The following ZNF506 variants were observed in gnomAD, a reference collection of about 807,000 sequenced individuals.
ZNF506 encodes the protein zinc finger protein 506.
A neutral mutation model predicts 11.6 loss-of-function variants in ZNF506; 10 were observed. The observed-to-expected ratio is 0.86, with a 90% CI of 0.53 to 1.46. The LOEUF (loss-of-function observed/expected upper bound fraction) is 1.46, where lower values mean the gene tolerates loss of function less well. Ranked by LOEUF, ZNF506 falls within the 40% of genes most tolerant of loss-of-function variation. ZNF506 has a pLI of 0.00. For synonymous variants in ZNF506, 156 were observed against 173.3 expected, an observed-to-expected ratio of 0.90 and a Z score of 0.78; for missense variants, 425 against 521.2, an observed-to-expected ratio of 0.82 and a Z score of 1.80.
At chr19:19,800,391 AAT>A (rs3062863) in intron 3 of ZNF506, among the ~76,000 whole-genome samples, 71,634 of 139,038 alleles carry the variant, frequency 0.52, 18,871 homozygotes, top group Middle Eastern at 0.71. Context: ...AACTAAACAG[AAT>A]ATATATATAT....
chr19:19,811,068 T>C lies in ZNF506; in HGVS notation c.4-4000A>G, dbSNP rs527935356. ...CCTAAAAGAAATGTAAATCCAGAGT[T>C]TCTGCAATTTTAATCTTTTCTAGCC... On this transcript the variant is annotated intron_variant, in intron 1 of 3. Coordinates refer to ENST00000540806, the MANE Select transcript of ZNF506 (RefSeq NM_001099269.3). Among the ~76,000 whole-genome samples the C allele has an allele frequency of 2.6e-5, 4 of 152,194 alleles. No homozygotes were observed. The South Asian group carries it at 6.2e-4, about 24-fold the overall frequency.
intron 1 of ZNF506, among the ~76,000 whole-genome samples, chr19:19,814,813 T>G (rs541596580): frequency 6.6e-6 from 1 of 152,300 alleles, no homozygotes; most frequent in African/African-American, 2.4e-5. Flanking sequence ...TCCGTGTGCA[T>G]GCAGGCAGGT....
intron 1 of ZNF506, among the ~76,000 whole-genome samples, chr19:19,818,705 G>A (rs1160874970): frequency 6.6e-6 from 1 of 152,136 alleles, no homozygotes; most frequent in East Asian, 1.9e-4. Flanking sequence ...GCAAATTACA[G>A]TTAAAACACT....
At chr19:19,806,232 T>C (rs189811658) in intron 2 of ZNF506, 106 bp from the exon 3 acceptor site, 161 of 753,174 alleles carry the variant, frequency 2.1e-4, no homozygotes, top group Non-Finnish European at 3.0e-4. Flanking sequence ...AGTAAATTAA[T>C]ACTAAAATAC....
intron 1 of ZNF506, among the ~76,000 whole-genome samples, chr19:19,812,136 C>T (rs1324183362): frequency 6.6e-6 from 1 of 152,180 alleles, no homozygotes; most frequent in East Asian, 1.9e-4. Flanking sequence ...CAACCAAAGA[C>T]ATCTCTTGTA....
At chr19:19,798,767 T>G (rs1437388715) in intron 3 of ZNF506, 2 of 150,482 alleles carry the variant, frequency 1.3e-5, no homozygotes, top group Admixed American at 1.3e-4. Context: ...AAGGAGAAAT[T>G]AAGACACAAA....
At position 19,821,466 on chromosome 19, in the gene ZNF506, G is replaced by C. The variant is rs538249511; in HGVS notation, c.3+135C>G. On this transcript the variant is annotated intron_variant, in intron 1 of 3. Transcript: ENST00000540806. The stretch of plus-strand genomic sequence containing the variant: ...TATGGCTGGGGCGGAGCTGGGCAAT[G>C]AGAACTTGGAGCGCAGATTGTGGAG... 6.4e-3 allele frequency: 7,625 copies of C among 1,197,810 alleles called. 31 individuals are homozygous for C. Among genetic ancestry groups the C allele is most frequent in the Non-Finnish European group, 7.0e-3 (5,667 of 805,600 alleles). The allele number at this position is 1,197,810 out of a possible 1,614,324, so 74.2% of individuals were successfully genotyped here.
chr19:19,811,193 T>C (rs1459509015), intron 1 of ZNF506, among the ~76,000 whole-genome samples: 1 of 152,212 alleles, frequency 6.6e-6, no homozygotes, highest in Non-Finnish European at 1.5e-5. Flanking sequence ...GCAGTCTCAC[T>C]CTGTCACCTA....
In ZNF506 at chr19:19,795,324, C is replaced by A; in HGVS notation, c.563G>T (p.Arg188Leu). The A allele has an allele frequency of 6.2e-7, 1 of 1,613,652 alleles. No individual in the cohort carries two copies. The highest frequency in any genetic ancestry group is 8.5e-7 in the Non-Finnish European group (1 of 1,179,836). Residue 188 changes from arginine (R) to leucine (L), a missense_variant, in exon 4 of 4, where the codon CGT (arginine) becomes CTT (leucine). Arg to Leu is a moderately radical substitution (Grantham distance 102). Coordinates refer to ENST00000540806, the MANE Select transcript of ZNF506 (RefSeq NM_001099269.3). Reference sequence around the variant, plus strand: ...AGCATCAATTTTCTTATATGTAGTACGGGTTGAAGACTGGTTAAAAGTTTT... The same window carrying A: ...AGCATCAATTTTCTTATATGTAGTAAGGGTTGAAGACTGGTTAAAAGTTTT... ...YGKTFNQSST[R>L]TTYKKIDAGE...
chr19:19,814,410 A>AAATAATAATAATAAT (rs59922058), intron 1 of ZNF506, among the ~76,000 whole-genome samples: 7,673 of 144,060 alleles, frequency 0.053, 336 homozygotes, highest in African/African-American at 0.12. Flanking sequence ...CTCCATCTCA[A>AAATAATAATAATAAT]AATAATAATA....
chr19:19,801,126 C>T (rs2062788923), intron 3 of ZNF506, among the ~76,000 whole-genome samples: 1 of 151,924 alleles, frequency 6.6e-6, no homozygotes, highest in African/African-American at 2.4e-5. Flanking sequence ...TGCCATTGTA[C>T]TCCAGCCTGG....
chr19:19,821,723 T>G lies in ZNF506; in HGVS notation c.-120A>C. On this transcript the variant is annotated 5_prime_UTR_variant, in exon 1 of 4. Transcript: ENST00000540806. ...GGCACAGAGCAGTGAAGACGATAGC[T>G]GGATCTCTGGCGTCAGCGAGAGACA... The G allele has an allele frequency of 7.6e-7, 1 of 1,322,972 alleles. No individual in the cohort carries two copies. The highest frequency in any genetic ancestry group is 1.2e-5 in the South Asian group (1 of 84,846). The allele number at this position is 1,322,972 out of a possible 1,614,324, so 82.0% of individuals were successfully genotyped here.
chr19:19,821,629 G>T lies in ZNF506; in HGVS notation c.-26C>A, dbSNP rs1237175994. 5.6e-6 allele frequency: 9 copies of T among 1,613,752 alleles called. No individual in the cohort carries two copies. The South Asian group carries it at 8.8e-5, about 16-fold the overall frequency. The stretch of plus-strand genomic sequence containing the variant: ...TTCTAGGCTTCCAGGGGGTCCCGGC[G>T]TCCTAGCTGTGACCCTCCTAATACC... On this transcript the variant is annotated 5_prime_UTR_variant, in exon 1 of 4. Coordinates refer to ENST00000540806, the MANE Select transcript of ZNF506 (RefSeq NM_001099269.3).
chr19:19,798,636 C>G (rs1401269857), intron 3 of ZNF506: 2 of 107,316 alleles, frequency 1.9e-5, no homozygotes, highest in African/African-American at 7.6e-5. Context: ...GCCTGGGCGA[C>G]AGAGCGAGAC....
rs1451990309 is a variant in ZNF506, at chr19:19,794,577, G to A, written c.1310C>T (p.Pro437Leu). ...VKNVENLLNV[P>L]QPLISIR ...TTATCTTATGCTTATTAAGGGTTGA[G>A]GAACATTTAAAAGATTTTCCACATT... is the stretch of plus-strand genomic sequence containing the variant. Residue 437 changes from proline to leucine, a missense_variant, in exon 4 of 4, where the codon CCT becomes CTT. Pro to Leu is a moderately conservative substitution (Grantham distance 98). Coordinates refer to ENST00000540806, the MANE Select transcript of ZNF506 (RefSeq NM_001099269.3). The A allele has an allele frequency of 6.2e-7, 1 of 1,600,618 alleles. No individual in the cohort carries two copies. Among genetic ancestry groups the A allele is most frequent in the Non-Finnish European group, 8.5e-7 (1 of 1,174,764 alleles).
At chr19:19,804,646 C>G (rs138721603) in intron 3 of ZNF506, among the ~76,000 whole-genome samples, 1 of 152,090 alleles carries the variant, frequency 6.6e-6, no homozygotes, top group Non-Finnish European at 1.5e-5. Context: ...ATGTTTATTG[C>G]GGCACTACTC....
intron 3 of ZNF506, among the ~76,000 whole-genome samples, chr19:19,800,773 T>A (rs1347871896): frequency 6.6e-6 from 1 of 152,164 alleles, no homozygotes; most frequent in Non-Finnish European, 1.5e-5. Context: ...CATTTTGTTA[T>A]GTGTTTCCCC....
intron 1 of ZNF506, among the ~76,000 whole-genome samples, chr19:19,813,030 A>G (rs2062894895): frequency 6.6e-6 from 1 of 152,202 alleles, no homozygotes; most frequent in Non-Finnish European, 1.5e-5. Context: ...TTTTTGATGA[A>G]GAAATAGAAT....
chr19:19,806,847 T>C, intron 2 of ZNF506, 95 bp downstream of exon 2: 1 of 1,430,120 alleles, frequency 7.0e-7, no homozygotes, highest in Non-Finnish European at 9.4e-7. Flanking sequence ...GAAACTCTTG[T>C]ATGCAAAGAA....
Sources: gnomAD v4.1 joint callset for allele counts (sites outside exome capture counted in the v4.1 genomes callset) on GRCh38, gnomAD v4.1.1 for gene constraint, MANE v1.5 for transcripts, NCBI Gene and HGNC (gene_info 2026-07-23, HGNC 2026-07-21) for gene names.